RGS6: variants seen among roughly 807,000 people sequenced by gnomAD.
RGS6 encodes the protein regulator of G-protein signaling 6.
Under a neutral mutation model 78.5 loss-of-function variants are expected in RGS6, and 30 were observed. That is an observed-to-expected ratio of 0.38 (90% CI 0.29 to 0.52). RGS6 has a LOEUF of 0.52. Among genes scored for constraint, RGS6 ranks in the 20% least tolerant of loss-of-function variants. The pLI, the probability that RGS6 is intolerant of heterozygous loss-of-function variation, is 0.85. For missense variants in RGS6, 495 were observed against 609.7 expected (o/e 0.81, Z 1.98); for synonymous variants, 206 against 206.0 (o/e 1.00, Z 0.00).
At chr14:71,890,227 T>G in the RGS6 span, among the ~76,000 whole-genome samples, 1 of 152,200 alleles carries the variant, frequency 6.6e-6, no homozygotes, top group South Asian at 2.1e-4. Context: ...TGACTCATTT[T>G]GTGTCATTTT....
chr14:72,619,443 T>C, the RGS6 span: 105,633 of 1,461,744 alleles, frequency 0.072, 4,272 homozygotes, highest in Middle Eastern at 0.11. Context: ...CCTAACTTCT[T>C]GTAAATCCTG....
chr14:72,376,174 G>T lies in RGS6; in HGVS notation c.184+23980G>T, dbSNP rs147231039. Among the ~76,000 whole-genome samples, 63 of 152,220 alleles carry T rather than the reference G, an allele frequency of 4.1e-4. No individual in the cohort carries two copies. The East Asian group carries it at 0.01, about 25-fold the overall frequency. ...AACAGAGATAGATATCATTTAAAATGAACCAAATTCTATGGCTGAAGAACT... is the reference window on the plus strand; with the variant it reads ...AACAGAGATAGATATCATTTAAAATTAACCAAATTCTATGGCTGAAGAACT... On this transcript the variant is annotated intron_variant, in intron 3 of 17. Coordinates refer to ENST00000553525, the MANE Select transcript of RGS6 (RefSeq NM_001204424.2).
intron 17 of RGS6, chr14:72,540,296 C>T (rs1014109758): frequency 2.5e-5 from 38 of 1,503,034 alleles, no homozygotes; most frequent in Middle Eastern, 1.8e-4. Context: ...AAAGAGCAAG[C>T]GGCTCCCTCT....
chr14:72,506,497 T>G (rs572591401), intron 13 of RGS6, among the ~76,000 whole-genome samples: 2 of 152,360 alleles, frequency 1.3e-5, no homozygotes, highest in South Asian at 4.1e-4. Flanking sequence ...TTCAAGTCTT[T>G]TCTTAAACCT....
At chr14:71,867,836 G>C in the RGS6 span, among the ~76,000 whole-genome samples, 1 of 152,182 alleles carries the variant, frequency 6.6e-6, no homozygotes, top group South Asian at 2.1e-4. Flanking sequence ...GGGCTCACTG[G>C]GGGCCATCAC....
chr14:72,337,828 T>G (rs559646972), intron 2 of RGS6, among the ~76,000 whole-genome samples: 1 of 152,360 alleles, frequency 6.6e-6, no homozygotes, highest in South Asian at 2.1e-4. Flanking sequence ...CTGGTATTTA[T>G]CCCACTGAAT....
intron 2 of RGS6, among the ~76,000 whole-genome samples, chr14:72,132,279 CTTTT>C (rs529374337): frequency 4.3e-5 from 6 of 137,948 alleles, no homozygotes; most frequent in Non-Finnish European, 4.8e-5. Context: ...TCTTCTTCTT[CTTTT>C]TTTTTTTTTT....
chr14:72,257,542 A>T (rs966002195), intron 2 of RGS6, among the ~76,000 whole-genome samples: 1 of 152,206 alleles, frequency 6.6e-6, no homozygotes, highest in Admixed American at 6.5e-5. Flanking sequence ...TCTATTGGGT[A>T]CAATGTTCAC....
intron 2 of RGS6, among the ~76,000 whole-genome samples, chr14:72,312,498 C>G (rs969124022): frequency 6.6e-6 from 1 of 152,172 alleles, no homozygotes; most frequent in Admixed American, 6.5e-5. Flanking sequence ...CTGGTTTTAG[C>G]TTTGCCACTA....
intron 1 of RGS6, among the ~76,000 whole-genome samples, chr14:71,959,460 C>CA (rs2093034951): frequency 6.6e-6 from 1 of 152,174 alleles, no homozygotes; most frequent in Non-Finnish European, 1.5e-5. Flanking sequence ...ATATTACAGT[C>CA]AGAGTTTGAT....
chr14:72,547,469 G>T, intron 17 of RGS6: 1 of 746,710 alleles, frequency 1.3e-6, no homozygotes. Context: ...AGTGTCCCTG[G>T]TTTGAGTTGA....
rs1344584450 is a variant in RGS6 at position 71,932,867 on chromosome 14, A to C, written c.-95A>C. The C allele has an allele frequency of 6.6e-6, 1 of 152,312 alleles. No homozygotes were observed. Among genetic ancestry groups the C allele is most frequent in the Non-Finnish European group, 1.5e-5 (1 of 68,092 alleles). 9.4% of individuals were successfully genotyped at this position (152,312 alleles called of 1,614,324 possible). On this transcript the variant is annotated 5_prime_UTR_variant, in exon 1 of 18. Coordinates refer to ENST00000553525, the MANE Select transcript of RGS6 (RefSeq NM_001204424.2). ...CCTGGGCTTCTCCAGCTTTATCATG[A>C]ACCTGGCGCAAGGTTGGCTTTAGGA...
rs796905589 is a variant in RGS6 at position 72,404,294 on chromosome 14, T to C, written c.185-50234T>C. ...TTTAAGATGCCTCAGGCTATGAAGC[T>C]GTGGGAGAGCTGGAAATTCTGGATG... On this transcript the variant is annotated intron_variant, in intron 3 of 17. Coordinates refer to ENST00000553525, the MANE Select transcript of RGS6 (RefSeq NM_001204424.2). Among the ~76,000 whole-genome samples the C allele has an allele frequency of 2.4e-4, 37 of 152,318 alleles. 3 individuals carry two copies. Among genetic ancestry groups the C allele is most frequent in the African/African-American group, 8.2e-4 (34 of 41,578 alleles).
chr14:72,156,900 G>A (rs547372602), intron 2 of RGS6, among the ~76,000 whole-genome samples: 1 of 152,086 alleles, frequency 6.6e-6, no homozygotes, highest in Non-Finnish European at 1.5e-5. Context: ...CAGGAAAACC[G>A]ACAGGAGTTT....
intron 17 of RGS6, among the ~76,000 whole-genome samples, chr14:72,547,844 G>A (rs1398473250): frequency 6.6e-6 from 1 of 152,166 alleles, no homozygotes; most frequent in Non-Finnish European, 1.5e-5. Context: ...GGCCTCATTG[G>A]TGTAATATTT....
At chr14:72,473,003 T>G in intron 9 of RGS6, 50 bp downstream of exon 9, 1 of 1,343,374 alleles carries the variant, frequency 7.4e-7, no homozygotes, top group Non-Finnish European at 1.0e-6. Flanking sequence ...TAATTGTTCA[T>G]TTTTATCTCT....
chr14:72,504,441 T>A (rs2096769595), intron 13 of RGS6, among the ~76,000 whole-genome samples: 1 of 152,244 alleles, frequency 6.6e-6, no homozygotes, highest in South Asian at 2.1e-4. Flanking sequence ...TTTCACAGAA[T>A]ACTAGAACCA....
chr14:72,508,717 A>G (rs1402984005), intron 13 of RGS6, among the ~76,000 whole-genome samples: 1 of 151,964 alleles, frequency 6.6e-6, no homozygotes, highest in Non-Finnish European at 1.5e-5. Flanking sequence ...AAAGAGGAAA[A>G]ATGAGTATTG....
chr14:72,436,131 G>A (rs565968142), intron 3 of RGS6, among the ~76,000 whole-genome samples: 1 of 152,286 alleles, frequency 6.6e-6, no homozygotes, highest in Non-Finnish European at 1.5e-5. Context: ...GAACCATGAG[G>A]TGGCCTTGCG....
Sources: gnomAD v4.1 joint callset for allele counts (sites outside exome capture counted in the v4.1 genomes callset) on GRCh38, gnomAD v4.1.1 for gene constraint, MANE v1.5 for transcripts, NCBI Gene and HGNC (gene_info 2026-07-23, HGNC 2026-07-21) for gene names.